The following VSIR variants were observed in gnomAD, a reference collection of about 807,000 sequenced individuals.
VSIR encodes the protein V-type immunoglobulin domain-containing suppressor of T-cell activation.
Under a neutral mutation model 31.0 loss-of-function variants are expected in VSIR, and 10 were observed. The ratio of observed to expected loss-of-function variants is 0.32; its 90% CI spans 0.20 to 0.55. VSIR has a LOEUF of 0.55. Among genes scored for constraint, VSIR ranks in the 20% least tolerant of loss-of-function variants. The pLI is 0.93. For missense variants in VSIR, 356 were observed against 416.2 expected (o/e 0.86, Z 1.26); for synonymous variants, 179 against 180.1 (o/e 0.99, Z 0.05).
chr10:71,759,228 G>A (rs1035633539), intron 3 of VSIR, among the ~76,000 whole-genome samples: 7 of 151,910 alleles, frequency 4.6e-5, no homozygotes, highest in African/African-American at 1.7e-4. Flanking sequence ...AGTAGAGATG[G>A]GGTTTCACCC....
rs1213234329 is a variant in VSIR at position 71,749,840 on chromosome 10, T to C, written c.*1413A>G. The C allele has an allele frequency of 6.8e-6, 1 of 147,816 alleles. No homozygotes were observed. The highest frequency in any genetic ancestry group is 1.5e-5 in the Non-Finnish European group (1 of 67,636). The allele number at this position is 147,816 out of a possible 1,614,324, so 9.2% of individuals were successfully genotyped here. On this transcript the variant is annotated 3_prime_UTR_variant, in exon 7 of 7. Coordinates refer to ENST00000394957, the MANE Select transcript of VSIR (RefSeq NM_022153.2). Reference sequence around the variant, plus strand: ...AACCCCCCAAGCAATTGGGCGAACATCTTCCCGCCTAGCCCCAAATCCTGG... The same window carrying C: ...AACCCCCCAAGCAATTGGGCGAACACCTTCCCGCCTAGCCCCAAATCCTGG...
intron 3 of VSIR, among the ~76,000 whole-genome samples, chr10:71,755,969 T>C (rs1303868910): frequency 6.6e-6 from 1 of 152,102 alleles, no homozygotes; most frequent in Admixed American, 6.6e-5. Context: ...AATTTTACAT[T>C]ATATATGTTT....
rs775162765 is a variant in VSIR, at chr10:71,755,335, C to A, written c.676+24G>T. The A allele has an allele frequency of 6.3e-6, 10 of 1,598,102 alleles. No homozygotes were observed. The South Asian group carries it at 1.0e-4, about 16-fold the overall frequency. The stretch of plus-strand genomic sequence containing the variant: ...GCAGGTCACTCGCACCGTCCACCCA[C>A]CCCAGGCAGGGAGGAATACTCACGG... On this transcript the variant is annotated intron_variant, in intron 4 of 6. Coordinates refer to ENST00000394957, the MANE Select transcript of VSIR (RefSeq NM_022153.2).
intron 3 of VSIR, among the ~76,000 whole-genome samples, chr10:71,760,036 C>CATACAT (rs1840294394): frequency 8.8e-6 from 1 of 113,106 alleles, no homozygotes; most frequent in East Asian, 3.2e-4. Flanking sequence ...TACACACACA[C>CATACAT]ACATATATAC....
intron 3 of VSIR, 109 bp downstream of exon 3, chr10:71,760,759 G>T (rs1020469989): frequency 7.9e-6 from 8 of 1,016,052 alleles, no homozygotes; most frequent in Middle Eastern, 2.1e-4. Flanking sequence ...GGACCGGGGG[G>T]TTCTGAGGGC....
chr10:71,770,177 T>A (rs1840654745), intron 1 of VSIR, among the ~76,000 whole-genome samples: 1 of 152,228 alleles, frequency 6.6e-6, no homozygotes, highest in African/African-American at 2.4e-5. Flanking sequence ...GCCAATGGCA[T>A]GTGGCCTGCA....
intron 1 of VSIR, 36 bp downstream of exon 1, chr10:71,773,322 A>G: frequency 1.3e-6 from 2 of 1,571,792 alleles, no homozygotes; most frequent in East Asian, 2.3e-5. Context: ...GTCTTCTCCC[A>G]GCTTTTTCCC....
chr10:71,755,616 A>G (rs1164939671), intron 3 of VSIR, 150 bp from the exon 4 acceptor site: 1 of 726,990 alleles, frequency 1.4e-6, no homozygotes. Flanking sequence ...CTACAGAGGC[A>G]TGGAAGATAA....
At chr10:71,767,808 A>T (rs1332423704) in intron 1 of VSIR, among the ~76,000 whole-genome samples, 2 of 152,222 alleles carry the variant, frequency 1.3e-5, no homozygotes, top group Non-Finnish European at 2.9e-5. Context: ...ACATCAGACC[A>T]AGGGGGCTGG....
At chr10:71,763,898 C>T (rs145765596) in intron 1 of VSIR, among the ~76,000 whole-genome samples, 11 of 152,212 alleles carry the variant, frequency 7.2e-5, no homozygotes, top group East Asian at 5.8e-4. Flanking sequence ...ACTTGTGATC[C>T]GATCCTGGGG....
chr10:71,753,651 C>G (rs1438226795), intron 4 of VSIR, among the ~76,000 whole-genome samples: 1 of 152,188 alleles, frequency 6.6e-6, no homozygotes, highest in Non-Finnish European at 1.5e-5. Flanking sequence ...ACCCCACCCC[C>G]CAAACTGGCC....
rs1390579895 is a variant in VSIR at position 71,750,408 on chromosome 10, GGCCCGCGCTGA to G, written c.*834_*844del. 6.6e-6 allele frequency: 1 copy of G among 152,324 alleles called. No individual in the cohort carries two copies. Among genetic ancestry groups the G allele is most frequent in the Non-Finnish European group, 1.5e-5 (1 of 68,104 alleles). 9.4% of individuals were successfully genotyped at this position (152,324 alleles called of 1,614,324 possible). The stretch of plus-strand genomic sequence containing the variant: ...AGACATTGTGTGGCACCCTTGCAAT[GGCCCGCGCTGA>G]GCAGTGGGAGTAGGGGATGGGGAGG... On this transcript the variant is annotated 3_prime_UTR_variant, in exon 7 of 7. Coordinates refer to ENST00000394957, the MANE Select transcript of VSIR (RefSeq NM_022153.2).
chr10:71,767,863 C>T (rs1307490650), intron 1 of VSIR, among the ~76,000 whole-genome samples: 5 of 152,234 alleles, frequency 3.3e-5, no homozygotes, highest in Non-Finnish European at 7.3e-5. Context: ...ACTTCCAGCA[C>T]CTTGGGAAAG....
rs1345081104 is a variant in VSIR at position 71,751,572 on chromosome 10, CTCT to C, written c.898+93_898+95del. 4 of 1,393,512 alleles carry C rather than the reference CTCT, an allele frequency of 2.9e-6. No individual in the cohort carries two copies. The highest frequency in any genetic ancestry group is 2.5e-5 in the Admixed American group (1 of 39,284). 86.3% of individuals were successfully genotyped at this position (1,393,512 alleles called of 1,614,324 possible). On this transcript the variant is annotated intron_variant, in intron 6 of 6. Coordinates refer to ENST00000394957, the MANE Select transcript of VSIR (RefSeq NM_022153.2). This position sits in a 1 kb window ranked among gnomAD's most constrained non-coding sequence, Gnocchi z 4.9. ...AACCCCACCCCGTGAGGCCGTGGAA[CTCT>C]TCAGGGAGGGCAGGGAGTGAGGCCG...
chr10:71,767,219 C>T (rs1564784140), intron 1 of VSIR, among the ~76,000 whole-genome samples: 2 of 152,324 alleles, frequency 1.3e-5, no homozygotes, highest in African/African-American at 2.4e-5. Flanking sequence ...CAGCAGGCCC[C>T]GGGTGACCCC....
intron 1 of VSIR, among the ~76,000 whole-genome samples, chr10:71,765,250 TG>T (rs1840506750): frequency 6.6e-6 from 1 of 152,256 alleles, no homozygotes; most frequent in African/African-American, 2.4e-5. Flanking sequence ...ACCCCAGGGC[TG>T]GGAGCTGAAT....
intron 1 of VSIR, 33 bp downstream of exon 1, chr10:71,773,325 T>G (rs1301538565): frequency 6.4e-7 from 1 of 1,574,512 alleles, no homozygotes; most frequent in Non-Finnish European, 8.6e-7. Context: ...TTCTCCCAGC[T>G]TTTTCCCAGC....
intron 1 of VSIR, among the ~76,000 whole-genome samples, chr10:71,768,170 G>A (rs1840600431): frequency 6.6e-6 from 1 of 152,108 alleles, no homozygotes; most frequent in African/African-American, 2.4e-5. Flanking sequence ...TGTTGCTGTT[G>A]TTGTTGTTGT....
At chr10:71,758,543 G>A (rs1228676992) in intron 3 of VSIR, among the ~76,000 whole-genome samples, 1 of 152,196 alleles carries the variant, frequency 6.6e-6, no homozygotes, top group Non-Finnish European at 1.5e-5. Context: ...GCACCGGGGG[G>A]CTAACTGCTA....
Sources: gnomAD v4.1 joint callset for allele counts (sites outside exome capture counted in the v4.1 genomes callset) on GRCh38, gnomAD v4.1.1 for gene constraint, Gnocchi (gnomAD v3.1) non-coding constraint, MANE v1.5 for transcripts, NCBI Gene and HGNC (gene_info 2026-07-23, HGNC 2026-07-21) for gene names.